Variants in NT5C2 observed in about 807,000 individuals in gnomAD.
The protein encoded by NT5C2 is cytosolic purine 5'-nucleotidase.
In NT5C2, 58 loss-of-function variants were observed where a neutral mutation model predicts 76.1. The ratio of observed to expected loss-of-function variants is 0.76; its 90% CI spans 0.62 to 0.95. NT5C2 has a LOEUF of 0.95. Ranked by LOEUF, NT5C2 falls within the 40% of genes least tolerant of loss-of-function variation. NT5C2 has a pLI of 0.00. For missense variants in NT5C2, 478 were observed against 690.3 expected, an observed-to-expected ratio of 0.69 and a Z score of 3.45; for synonymous variants, 229 against 237.4, an observed-to-expected ratio of 0.96 and a Z score of 0.32.
chr10:103,152,761 A>T (rs904048217), intron 3 of NT5C2, among the ~76,000 whole-genome samples: 8 of 152,228 alleles, frequency 5.3e-5, no homozygotes, highest in African/African-American at 1.7e-4. Flanking sequence ...ACTCTGAAGC[A>T]TAAGAGAAAA....
chr10:103,112,434 G>A (rs1590941104), intron 4 of NT5C2, among the ~76,000 whole-genome samples: 1 of 152,142 alleles, frequency 6.6e-6, no homozygotes, highest in African/African-American at 2.4e-5. Flanking sequence ...GATTGTCAGT[G>A]GAAATCTGCC....
At chr10:103,152,021 AC>A (rs2082499234) in intron 3 of NT5C2, among the ~76,000 whole-genome samples, 1 of 152,192 alleles carries the variant, frequency 6.6e-6, no homozygotes, top group Non-Finnish European at 1.5e-5. Context: ...CATATACTTT[AC>A]CATAGGGTAA....
At chr10:103,109,943 G>A (rs2135388852) in intron 4 of NT5C2, among the ~76,000 whole-genome samples, 1 of 152,252 alleles carries the variant, frequency 6.6e-6, no homozygotes, top group Admixed American at 6.5e-5. Context: ...TATTGGCAGG[G>A]CAGAATTTCC....
At chr10:103,176,372 A>T (rs2089949650) in intron 2 of NT5C2, among the ~76,000 whole-genome samples, 1 of 152,118 alleles carries the variant, frequency 6.6e-6, no homozygotes, top group African/African-American at 2.4e-5. Context: ...CCACCCCTGC[A>T]GAAGGCAACT....
intron 2 of NT5C2, 88 bp from the exon 3 acceptor site, chr10:103,175,070 C>T (rs2089479429): frequency 1.4e-6 from 1 of 715,046 alleles, no homozygotes; most frequent in Admixed American, 2.3e-5. Context: ...AAAACTCCAG[C>T]TTGCAAACTG....
At chr10:103,114,918 G>A (rs896830705) in intron 4 of NT5C2, among the ~76,000 whole-genome samples, 6 of 152,172 alleles carry the variant, frequency 3.9e-5, no homozygotes. Context: ...CAGTATTAGT[G>A]TCTTATTCAT....
At chr10:103,167,512 T>C (rs1247254173) in intron 3 of NT5C2, among the ~76,000 whole-genome samples, 1 of 152,206 alleles carries the variant, frequency 6.6e-6, no homozygotes, top group Non-Finnish European at 1.5e-5. Flanking sequence ...GACATTCATA[T>C]GATATCCATA....
At position 103,117,683 on chromosome 10, in the gene NT5C2, T is replaced by C. The variant is rs568117758; in HGVS notation, c.176-10977A>G. 5.9e-5 allele frequency among the ~76,000 whole-genome samples: 9 copies of C among 152,302 alleles called. No individual in the cohort carries two copies. The South Asian group carries it at 8.3e-4, about 14-fold the overall frequency. On this transcript the variant is annotated intron_variant, in intron 4 of 18. Transcript: ENST00000404739. ...AACAACAAACAATATGCAGAAGCAATTGTATTTATCCAGAAGCAATATGTA... is the reference window on the plus strand; with the variant it reads ...AACAACAAACAATATGCAGAAGCAACTGTATTTATCCAGAAGCAATATGTA...
chr10:103,128,377 G>A, intron 4 of NT5C2, among the ~76,000 whole-genome samples: 1 of 136,214 alleles, frequency 7.3e-6, no homozygotes, highest in South Asian at 2.3e-4. Flanking sequence ...GCTCAATGGT[G>A]CCCAGGCTGG....
At chr10:103,172,006 T>C (rs2088184308) in intron 3 of NT5C2, among the ~76,000 whole-genome samples, 1 of 151,954 alleles carries the variant, frequency 6.6e-6, no homozygotes, top group Admixed American at 6.6e-5. Context: ...TATCAGGAGT[T>C]TGTGACCAGC....
chr10:103,144,173 A>G (rs888292346), intron 3 of NT5C2, among the ~76,000 whole-genome samples: 6 of 152,212 alleles, frequency 3.9e-5, no homozygotes, highest in African/African-American at 1.4e-4. Context: ...TTTCAAACAG[A>G]TTCTTAATTC....
At chr10:103,101,202 G>A (rs1421999740) in intron 7 of NT5C2, 33 bp downstream of exon 7, 1 of 1,444,814 alleles carries the variant, frequency 6.9e-7, no homozygotes, top group Non-Finnish European at 9.7e-7. Flanking sequence ...AGAAGGGAAA[G>A]CATCAGTATA....
chr10:103,164,029 C>T (rs1477529901), intron 3 of NT5C2, among the ~76,000 whole-genome samples: 3 of 151,518 alleles, frequency 2.0e-5, no homozygotes, highest in South Asian at 2.1e-4. Context: ...GTTTGAAGCC[C>T]GGGGTTTGAG....
At chr10:103,186,838 G>A (rs559290297) in intron 1 of NT5C2, among the ~76,000 whole-genome samples, 398 of 150,106 alleles carry the variant, frequency 2.7e-3, no homozygotes, top group Admixed American at 6.2e-3. Flanking sequence ...GCTTGAACCC[G>A]GGAGATGGAG....
Position 103,168,350 on chromosome 10 carries a change from G to GC in NT5C2, c.101+6507dup, listed in dbSNP as rs541660664. On this transcript the variant is annotated intron_variant, in intron 3 of 18. Coordinates refer to ENST00000404739, the MANE Select transcript of NT5C2 (RefSeq NM_001351169.2). ...CTACAGAAATTCTGTTCTACTGGAA[G>GC]CATCAGAGCTTTACAAACGTAAAAA... is the stretch of plus-strand genomic sequence containing the variant. 2.2e-4 allele frequency among the ~76,000 whole-genome samples: 34 copies of GC among 152,304 alleles called. No homozygotes were observed. In the South Asian group the frequency reaches 3.1e-3, roughly 14 times the overall value.
At chr10:103,121,355 T>C (rs987766461) in intron 4 of NT5C2, among the ~76,000 whole-genome samples, 1 of 152,238 alleles carries the variant, frequency 6.6e-6, no homozygotes, top group African/African-American at 2.4e-5. Flanking sequence ...ACACCAATAC[T>C]GCATAATATT....
In NT5C2 at chr10:103,094,350, T is replaced by C. The variant is rs1463329393; in HGVS notation, c.919A>G (p.Thr307Ala). Residue 307 changes from threonine (T) to alanine (A), a missense_variant and splice_region_variant, in exon 13 of 19, where the codon ACT becomes GCT. Physicochemically the swap from Thr to Ala is moderately conservative, Grantham distance 58. Transcript: ENST00000404739. ...GACAGATCATTCTCATGACTTACAGTATCCACCTGACGCAGTACTGTGCCT... is the reference window on the plus strand; with the variant it reads ...GACAGATCATTCTCATGACTTACAGCATCCACCTGACGCAGTACTGTGCCT... ...GEGTVLRQVD[T>A]KTGKLKIGTY... 2 of 1,572,232 alleles carry C rather than the reference T, an allele frequency of 1.3e-6. No individual in the cohort carries two copies. Among genetic ancestry groups the C allele is most frequent in the African/African-American group, 1.3e-5 (1 of 74,130 alleles).
At chr10:103,138,228 T>G (rs11598702) in intron 4 of NT5C2, among the ~76,000 whole-genome samples, 18 of 151,998 alleles carry the variant, frequency 1.2e-4, no homozygotes, top group Admixed American at 2.0e-4. Context: ...GCATATACCC[T>G]AGGTACAGAA....
At chr10:103,114,931 G>C (rs532073034) in intron 4 of NT5C2, among the ~76,000 whole-genome samples, 5 of 152,286 alleles carry the variant, frequency 3.3e-5, no homozygotes, top group African/African-American at 1.2e-4. Flanking sequence ...TTATTCATAA[G>C]GTTTAACCTA....
Sources: allele counts gnomAD v4.1 joint callset (sites outside exome capture counted in the v4.1 genomes callset), GRCh38; gene constraint gnomAD v4.1.1; transcripts MANE v1.5; gene names NCBI Gene and HGNC (gene_info 2026-07-23, HGNC 2026-07-21).